Variants in IMPG1 observed in about 807,000 individuals in gnomAD.
IMPG1 encodes the protein interphotoreceptor matrix proteoglycan of 150 kDa.
A neutral mutation model predicts 92.0 loss-of-function variants in IMPG1; 85 were observed. The observed-to-expected ratio is 0.92, with a 90% CI of 0.78 to 1.11. The LOEUF is 1.11. Ranked by LOEUF, IMPG1 falls within the 50% of genes least tolerant of loss-of-function variation. IMPG1 has a pLI of 0.00. For missense variants in IMPG1, 1,022 were observed against 956.0 expected (o/e 1.07, Z -0.91); for synonymous variants, 367 against 334.1 (o/e 1.10, Z -1.08).
intron 14 of IMPG1, among the ~76,000 whole-genome samples, chr6:75,934,408 C>G (rs1023834390): frequency 3.3e-5 from 5 of 152,182 alleles, no homozygotes; most frequent in Admixed American, 2.0e-4. Flanking sequence ...AGTTTCTTCC[C>G]TGGATTTGCT....
intron 1 of IMPG1, among the ~76,000 whole-genome samples, chr6:76,065,544 A>T (rs77651996): frequency 0.026 from 3,896 of 152,198 alleles, 140 homozygotes; most frequent in African/African-American, 0.086. Context: ...GAATAAAAAA[A>T]TTTTAAAAAG....
At chr6:75,924,687 T>TA (rs1562335171) in intron 15 of IMPG1, among the ~76,000 whole-genome samples, 266 of 3,322 alleles carry the variant, frequency 0.08, 78 homozygotes, top group East Asian at 0.55. Flanking sequence ...TTATATATTA[T>TA]ATATAAATAA....
chr6:76,016,360 T>C (rs551691009), intron 7 of IMPG1, among the ~76,000 whole-genome samples: 193 of 152,318 alleles, frequency 1.3e-3, no homozygotes, highest in Non-Finnish European at 2.0e-3. Context: ...TGGCCAATTA[T>C]CCTACTTTGA....
At chr6:76,066,749 A>G (rs1784317155) in intron 1 of IMPG1, among the ~76,000 whole-genome samples, 1 of 152,164 alleles carries the variant, frequency 6.6e-6, no homozygotes, top group African/African-American at 2.4e-5. Context: ...CAGAATATAC[A>G]TTCTTCTCAT....
At chr6:75,993,312 T>C (rs764738540) in intron 12 of IMPG1, among the ~76,000 whole-genome samples, 1 of 152,138 alleles carries the variant, frequency 6.6e-6, no homozygotes, top group Non-Finnish European at 1.5e-5. Flanking sequence ...ATACCATAGA[T>C]CAATGACTCA....
At chr6:75,942,039 T>C (rs1354795089) in intron 14 of IMPG1, among the ~76,000 whole-genome samples, 1 of 152,112 alleles carries the variant, frequency 6.6e-6, no homozygotes, top group East Asian at 1.9e-4. Flanking sequence ...CTAAACTATG[T>C]CTACTACGAA....
At chr6:75,984,341 G>A (rs542870386) in intron 12 of IMPG1, among the ~76,000 whole-genome samples, 3 of 152,084 alleles carry the variant, frequency 2.0e-5, no homozygotes, top group African/African-American at 7.2e-5. Flanking sequence ...ACAAATGAAT[G>A]GATAAACAAA....
intron 2 of IMPG1, among the ~76,000 whole-genome samples, chr6:76,035,500 A>C (rs1582120811): frequency 3.5e-4 from 1 of 2,824 alleles, no homozygotes; most frequent in Middle Eastern, 0.17. Context: ...ACTCCGTCTC[A>C]AAAAAAAAAA....
chr6:76,049,860 T>C (rs1784006812), intron 1 of IMPG1, among the ~76,000 whole-genome samples: 2 of 152,306 alleles, frequency 1.3e-5, no homozygotes, highest in East Asian at 3.9e-4. Context: ...CTAAGGAAAA[T>C]GGTTGGCACC....
chr6:76,061,817 G>T (rs753253631), intron 1 of IMPG1, among the ~76,000 whole-genome samples: 13 of 152,114 alleles, frequency 8.5e-5, no homozygotes, highest in Non-Finnish European at 1.6e-4. Context: ...GATGCAACTG[G>T]TATTTCCATT....
At chr6:76,005,140 G>T in intron 10 of IMPG1, 147 bp downstream of exon 10, 1 of 772,286 alleles carries the variant, frequency 1.3e-6, no homozygotes, top group Non-Finnish European at 2.1e-6. Context: ...AGTGAGAAAA[G>T]CTAGAAATGA....
chr6:75,958,016 T>G (rs1489241829), intron 12 of IMPG1, among the ~76,000 whole-genome samples: 1 of 152,228 alleles, frequency 6.6e-6, no homozygotes, highest in Non-Finnish European at 1.5e-5. Context: ...GTCTTTACAA[T>G]TTGGTATGTT....
intron 1 of IMPG1, among the ~76,000 whole-genome samples, chr6:76,069,040 A>G (rs1469727189): frequency 2.6e-5 from 4 of 152,142 alleles, no homozygotes; most frequent in African/African-American, 4.8e-5. Flanking sequence ...AAAAAGATAT[A>G]TATAGAATGG....
chr6:76,045,617 C>T (rs1006087475), intron 1 of IMPG1, among the ~76,000 whole-genome samples: 2 of 151,774 alleles, frequency 1.3e-5, no homozygotes, highest in African/African-American at 4.8e-5. Context: ...GGTGAGAGAT[C>T]AGGAACTTAG....
At chr6:75,948,616 T>A (rs1781971246) in intron 13 of IMPG1, among the ~76,000 whole-genome samples, 1 of 152,314 alleles carries the variant, frequency 6.6e-6, no homozygotes, top group Non-Finnish European at 1.5e-5. Flanking sequence ...CAGAACTTAC[T>A]TGACTAGCCT....
chr6:76,029,887 C>T (rs926487844), intron 4 of IMPG1, among the ~76,000 whole-genome samples: 4 of 152,092 alleles, frequency 2.6e-5, no homozygotes, highest in African/African-American at 9.7e-5. Context: ...CACAGTTTCA[C>T]CTTAGCATTT....
intron 10 of IMPG1, among the ~76,000 whole-genome samples, chr6:76,004,946 A>T (rs1285108057): frequency 6.6e-6 from 1 of 152,162 alleles, no homozygotes; most frequent in Non-Finnish European, 1.5e-5. Context: ...CTGAGACCTG[A>T]CCAATTGACT....
chr6:76,065,156 C>A (rs920478035), intron 1 of IMPG1, among the ~76,000 whole-genome samples: 1 of 152,016 alleles, frequency 6.6e-6, no homozygotes, highest in African/African-American at 2.4e-5. Flanking sequence ...TAAGAAGAAA[C>A]TCTGTGAAAC....
rs1204897077 is a variant in IMPG1, at chr6:75,950,868, G to A, written c.1518C>T (p.Ser506=). 4 of 1,613,858 alleles carry A rather than the reference G, an allele frequency of 2.5e-6. No individual in the cohort carries two copies. In the Admixed American group the frequency reaches 6.7e-5, roughly 27 times the overall value. The change falls in exon 13 of 17, where the codon AGC becomes AGT. Residue 506 remains serine (S), a synonymous_variant. Transcript: ENST00000369950. Reference sequence around the variant, plus strand: ...TATCTTCGCCACCTGCACTTGATCGGCTGTCATCTGAAGATGCAGGTGGAT... The same window carrying A: ...TATCTTCGCCACCTGCACTTGATCGACTGTCATCTGAAGATGCAGGTGGAT... ...ISHPPASSDD[S]RSSAGGEDMV... is the part of the protein sequence containing the mutation.
Sources: allele counts gnomAD v4.1 joint callset (sites outside exome capture counted in the v4.1 genomes callset), GRCh38; gene constraint gnomAD v4.1.1; transcripts MANE v1.5; gene names NCBI Gene and HGNC (gene_info 2026-07-23, HGNC 2026-07-21).